SYN3: variants seen among roughly 807,000 people sequenced by gnomAD.
The protein encoded by SYN3 is synapsin-3.
SYN3 carries 35 observed loss-of-function variants against 65.8 expected under a neutral mutation model. That is an observed-to-expected ratio of 0.53 (90% CI 0.41 to 0.70). The LOEUF (loss-of-function observed/expected upper bound fraction) is 0.70, where lower values mean the gene tolerates loss of function less well. SYN3 is among the 30% of genes least tolerant of loss of function. The pLI, the probability that SYN3 is intolerant of heterozygous loss-of-function variation, is 0.00. For synonymous variants in SYN3, 270 were observed against 292.9 expected, an observed-to-expected ratio of 0.92 and a Z score of 0.80; for missense variants, 680 against 749.0, an observed-to-expected ratio of 0.91 and a Z score of 1.08.
intron 12 of SYN3, among the ~76,000 whole-genome samples, chr22:32,526,965 G>A (rs1163894579): frequency 1.3e-5 from 2 of 152,130 alleles, no homozygotes; most frequent in Admixed American, 6.5e-5. Context: ...ATACGGGGCG[G>A]ATTTCTCTCA....
chr22:32,771,810 A>G (rs1212764711), intron 6 of SYN3, among the ~76,000 whole-genome samples: 1 of 152,234 alleles, frequency 6.6e-6, no homozygotes, highest in Non-Finnish European at 1.5e-5. Context: ...GCAAATGGTC[A>G]TTCATGACAT....
chr22:32,523,637 C>T (rs898453052), intron 12 of SYN3, among the ~76,000 whole-genome samples: 2 of 152,184 alleles, frequency 1.3e-5, no homozygotes, highest in South Asian at 2.1e-4. Context: ...CTCCCTTTCC[C>T]CTAGACACAA....
At chr22:32,740,212 G>A (rs1012760479) in intron 6 of SYN3, among the ~76,000 whole-genome samples, 10 of 152,206 alleles carry the variant, frequency 6.6e-5, no homozygotes, top group Non-Finnish European at 1.2e-4. Context: ...CCAATTTGGT[G>A]CTTGTTCATT....
intron 6 of SYN3, among the ~76,000 whole-genome samples, chr22:32,647,213 A>AG (rs1423060487): frequency 3.3e-5 from 5 of 152,016 alleles, no homozygotes; most frequent in Non-Finnish European, 7.4e-5. Context: ...TCCAAATCCA[A>AG]GGGGGTCAGC....
At chr22:33,035,760 T>C (rs2053848312) in intron 1 of SYN3, among the ~76,000 whole-genome samples, 1 of 152,140 alleles carries the variant, frequency 6.6e-6, no homozygotes, top group South Asian at 2.1e-4. Flanking sequence ...TCATTTTTTA[T>C]TGTGGAGACA....
chr22:32,818,351 T>G (rs993692464), intron 6 of SYN3, among the ~76,000 whole-genome samples: 4 of 152,004 alleles, frequency 2.6e-5, no homozygotes, highest in Non-Finnish European at 5.9e-5. Flanking sequence ...GGGGGAGTCT[T>G]AGTTAGCCCA....
intron 1 of SYN3, among the ~76,000 whole-genome samples, chr22:33,048,538 C>A (rs1183767082): frequency 6.6e-6 from 1 of 152,116 alleles, no homozygotes; most frequent in Non-Finnish European, 1.5e-5. Flanking sequence ...AGTTCTTGCC[C>A]TATTAGTTCA....
chr22:32,553,997 A>T (rs1347816847), intron 7 of SYN3, among the ~76,000 whole-genome samples: 1 of 152,200 alleles, frequency 6.6e-6, no homozygotes, highest in Non-Finnish European at 1.5e-5. Context: ...CCACACCATC[A>T]TCATCCCTCA....
intron 6 of SYN3, among the ~76,000 whole-genome samples, chr22:32,611,194 T>C (rs1195132830): frequency 6.6e-6 from 1 of 151,952 alleles, no homozygotes; most frequent in Non-Finnish European, 1.5e-5. Flanking sequence ...TTGCAGGGTC[T>C]TGCATCCTGT....
intron 6 of SYN3, among the ~76,000 whole-genome samples, chr22:32,652,422 A>T (rs1303039849): frequency 6.6e-6 from 1 of 150,994 alleles, no homozygotes; most frequent in Non-Finnish European, 1.5e-5. Context: ...TTTTTGGAAG[A>T]AAACAAAGAA....
chr22:32,972,186 A>C (rs2052041029), intron 3 of SYN3, among the ~76,000 whole-genome samples: 2 of 152,224 alleles, frequency 1.3e-5, no homozygotes, highest in Admixed American at 6.5e-5. Context: ...TATTTCTAGA[A>C]GTGAATCCTA....
rs557651875 is a variant in SYN3, at chr22:33,044,149, G to A, written c.-163+14143C>T. Among the ~76,000 whole-genome samples, 6 of 152,244 alleles carry A rather than the reference G, an allele frequency of 3.9e-5. No homozygotes were observed. The South Asian group carries it at 1.2e-3, about 32-fold the overall frequency. On this transcript the variant is annotated intron_variant, in intron 1 of 13. Transcript: ENST00000358763. ...AGGAAGATGTGGCTGCAGCATGCTC[G>A]AAAAGTGGGCAGGATGATGTACAAA...
chr22:32,896,649 G>T (rs2049601433), intron 4 of SYN3, among the ~76,000 whole-genome samples: 1 of 152,138 alleles, frequency 6.6e-6, no homozygotes, highest in Non-Finnish European at 1.5e-5. Flanking sequence ...AATAAAATAG[G>T]AAAAGATAAC....
At chr22:32,526,598 C>G (rs1366675475) in intron 12 of SYN3, among the ~76,000 whole-genome samples, 1 of 152,130 alleles carries the variant, frequency 6.6e-6, no homozygotes, top group Non-Finnish European at 1.5e-5. Context: ...TCACTGCAAC[C>G]TCCGCCTCCT....
chr22:32,958,188 G>A (rs147523437), intron 3 of SYN3, among the ~76,000 whole-genome samples: 18 of 152,208 alleles, frequency 1.2e-4, no homozygotes, highest in African/African-American at 3.9e-4. Context: ...TCCCGTAAAC[G>A]TAGCATCACT....
At chr22:32,960,041 C>T (rs1389362466) in intron 3 of SYN3, among the ~76,000 whole-genome samples, 1 of 152,122 alleles carries the variant, frequency 6.6e-6, no homozygotes, top group Admixed American at 6.5e-5. Flanking sequence ...TTTGAAAAAC[C>T]GTTAGAAAGC....
At chr22:32,886,232 G>A (rs1372768068) in intron 4 of SYN3, among the ~76,000 whole-genome samples, 1 of 152,126 alleles carries the variant, frequency 6.6e-6, no homozygotes, top group Admixed American at 6.5e-5. Context: ...ATGAGGTCTG[G>A]CAACCCCTTG....
chr22:32,827,903 A>T (rs1177128874), intron 6 of SYN3, among the ~76,000 whole-genome samples: 1 of 152,068 alleles, frequency 6.6e-6, no homozygotes, highest in East Asian at 1.9e-4. Context: ...GCCCCTTCTC[A>T]TCATGGAGGT....
intron 6 of SYN3, among the ~76,000 whole-genome samples, chr22:32,654,771 C>T (rs370271615): frequency 2.6e-5 from 4 of 152,208 alleles, no homozygotes; most frequent in South Asian, 2.1e-4. Context: ...CCCCATTCCA[C>T]GTGTTCGGCA....
Sources: gnomAD v4.1 joint callset for allele counts (sites outside exome capture counted in the v4.1 genomes callset) on GRCh38, gnomAD v4.1.1 for gene constraint, MANE v1.5 for transcripts, NCBI Gene and HGNC (gene_info 2026-07-23, HGNC 2026-07-21) for gene names.